Variants in MICU3 observed in about 807,000 individuals in gnomAD.
MICU3 encodes the protein mitochondrial calcium uptake 3.
MICU3 carries 62 observed loss-of-function variants against 66.5 expected under a neutral mutation model. The ratio of observed to expected loss-of-function variants is 0.93; its 90% CI spans 0.76 to 1.15. The LOEUF (loss-of-function observed/expected upper bound fraction) is 1.15, where lower values mean the gene tolerates loss of function less well. Among genes scored for constraint, MICU3 ranks in the 50% most tolerant of loss-of-function variants. MICU3 has a pLI of 0.00. For synonymous variants in MICU3, 308 were observed against 240.7 expected (o/e 1.28, Z -2.59); for missense variants, 779 against 664.4 (o/e 1.17, Z -1.90).
intron 1 of MICU3, among the ~76,000 whole-genome samples, chr8:17,042,917 A>G (rs1814417787): frequency 6.8e-6 from 1 of 146,454 alleles, no homozygotes; most frequent in African/African-American, 2.6e-5. Context: ...AACTGCTTGT[A>G]GCAATTCAAA....
chr8:17,067,185 A>G (rs182318551), intron 2 of MICU3, among the ~76,000 whole-genome samples: 58 of 152,350 alleles, frequency 3.8e-4, no homozygotes, highest in Admixed American at 3.3e-3. Context: ...TGTTTCATGT[A>G]CTGAGTATTA....
At chr8:17,104,309 C>T (rs1801539205) in intron 9 of MICU3, 82 bp from the exon 10 acceptor site, 3 of 589,216 alleles carry the variant, frequency 5.1e-6, no homozygotes, top group East Asian at 3.0e-5. Flanking sequence ...ATGTTGATAA[C>T]AGAATTCTTT....
At chr8:17,037,327 A>T (rs1406678107) in intron 1 of MICU3, among the ~76,000 whole-genome samples, 3 of 152,206 alleles carry the variant, frequency 2.0e-5, no homozygotes, top group Admixed American at 1.3e-4. Flanking sequence ...CAGGCAGAGG[A>T]GGTGCCGAGA....
At chr8:17,095,189 G>A (rs529304695) in intron 8 of MICU3, among the ~76,000 whole-genome samples, 11 of 151,868 alleles carry the variant, frequency 7.2e-5, no homozygotes, top group East Asian at 1.9e-4. Context: ...ATCTGGTTCT[G>A]TTGTTTGTTT....
At chr8:17,089,326 C>T (rs1241457120) in intron 7 of MICU3, among the ~76,000 whole-genome samples, 1 of 151,958 alleles carries the variant, frequency 6.6e-6, no homozygotes, top group Non-Finnish European at 1.5e-5. Context: ...TTAGTGTTAA[C>T]ATTGTTAATC....
Position 17,120,434 on chromosome 8 carries a change from A to C in MICU3, c.*147A>C, listed in dbSNP as rs183003337. 1.0e-3 allele frequency: 153 copies of C among 152,192 alleles called. No individual in the cohort carries two copies. Among genetic ancestry groups the C allele is most frequent in the African/African-American group, 3.4e-3 (142 of 41,558 alleles). 9.4% of individuals were successfully genotyped at this position (152,192 alleles called of 1,614,324 possible). A position where few individuals can be genotyped will look rare whatever the true frequency, so the allele number is the denominator to read the frequency against. ...CTATGAAATTGATATTTTTTCTGGA[A>C]CTGAATTCTTAAACATAAAACAGAT... On this transcript the variant is annotated 3_prime_UTR_variant, in exon 15 of 15. Coordinates refer to ENST00000318063, the MANE Select transcript of MICU3 (RefSeq NM_181723.3).
chr8:17,097,607 G>C (rs1264708725), intron 8 of MICU3, among the ~76,000 whole-genome samples: 1 of 151,662 alleles, frequency 6.6e-6, no homozygotes, highest in East Asian at 1.9e-4. Flanking sequence ...GAAAAGTTCT[G>C]TTTTCATCCA....
chr8:17,056,229 T>C (rs1470342379), intron 1 of MICU3, among the ~76,000 whole-genome samples: 1 of 152,228 alleles, frequency 6.6e-6, no homozygotes, highest in African/African-American at 2.4e-5. Flanking sequence ...GAGGCTCCTC[T>C]TATCTACTTA....
chr8:17,064,570 A>G (rs1309735214), intron 2 of MICU3, among the ~76,000 whole-genome samples: 4 of 152,306 alleles, frequency 2.6e-5, no homozygotes, highest in South Asian at 4.1e-4. Context: ...GCCCTGGGCA[A>G]GAATTCTACC....
chr8:17,056,783 G>A (rs1817009117), intron 1 of MICU3, among the ~76,000 whole-genome samples: 1 of 152,206 alleles, frequency 6.6e-6, no homozygotes, highest in Non-Finnish European at 1.5e-5. Context: ...TGTGGCAGCA[G>A]AAGTTTTCTG....
intron 2 of MICU3, 102 bp downstream of exon 2, chr8:17,064,339 G>T (rs1818346873): frequency 1.2e-6 from 1 of 819,510 alleles, no homozygotes; most frequent in Admixed American, 2.8e-5. Context: ...ACTGAGTAAT[G>T]TGGTATTTCA....
chr8:17,028,254 C>T (rs183071666), intron 1 of MICU3, among the ~76,000 whole-genome samples: 1 of 152,212 alleles, frequency 6.6e-6, no homozygotes, highest in Non-Finnish European at 1.5e-5. Flanking sequence ...TCTCTTTTTC[C>T]TTCCCCCACT....
At chr8:17,138,029 C>G in the MICU3 span, among the ~76,000 whole-genome samples, 1 of 151,958 alleles carries the variant, frequency 6.6e-6, no homozygotes, top group Non-Finnish European at 1.5e-5. Context: ...GTAATATTTT[C>G]TATTACATGG....
intron 2 of MICU3, 53 bp from the exon 3 acceptor site, chr8:17,069,635 A>G: frequency 1.8e-6 from 2 of 1,138,112 alleles, no homozygotes; most frequent in Non-Finnish European, 2.6e-6. Context: ...AAATATGGAT[A>G]TATATTCCAT....
At chr8:17,081,497 A>G (rs1821175088) in intron 4 of MICU3, among the ~76,000 whole-genome samples, 196 bp from the exon 5 acceptor site, 1 of 152,072 alleles carries the variant, frequency 6.6e-6, no homozygotes, top group South Asian at 2.1e-4. Flanking sequence ...ATGATTTTAT[A>G]TGGATATCTA....
rs974097283 is a variant in MICU3 at position 17,120,402 on chromosome 8, G to C, written c.*115G>C. The C allele has an allele frequency of 2.0e-5, 3 of 152,020 alleles. No homozygotes were observed. Among genetic ancestry groups the C allele is most frequent in the Non-Finnish European group, 2.9e-5 (2 of 67,958 alleles). 9.4% of individuals were successfully genotyped at this position (152,020 alleles called of 1,614,324 possible). A position where few individuals can be genotyped will look rare whatever the true frequency, so the allele number is the denominator to read the frequency against. On this transcript the variant is annotated 3_prime_UTR_variant, in exon 15 of 15. Coordinates refer to ENST00000318063, the MANE Select transcript of MICU3 (RefSeq NM_181723.3). ...GAAGAAGTAGAGAATGAAGGAAAAG[G>C]TGAATGCTATGAAATTGATATTTTT...
At chr8:17,053,284 T>C (rs1332313928) in intron 1 of MICU3, among the ~76,000 whole-genome samples, 1 of 152,188 alleles carries the variant, frequency 6.6e-6, no homozygotes, top group Non-Finnish European at 1.5e-5. Flanking sequence ...TAGGCGTAAG[T>C]TTCTCTAATT....
chr8:17,091,534 C>T (rs1054265962), intron 8 of MICU3, among the ~76,000 whole-genome samples: 8 of 152,034 alleles, frequency 5.3e-5, no homozygotes, highest in Non-Finnish European at 1.2e-4. Flanking sequence ...ACTATAAAAA[C>T]TAATTCTGTT....
chr8:17,114,230 C>A, intron 12 of MICU3, 29 bp downstream of exon 12: 1 of 1,383,874 alleles, frequency 7.2e-7, no homozygotes, highest in Non-Finnish European at 1.0e-6. Flanking sequence ...AAATTAAAAG[C>A]AAGAAGTAAT....
Sources: gnomAD v4.1 joint callset for allele counts (sites outside exome capture counted in the v4.1 genomes callset) on GRCh38, gnomAD v4.1.1 for gene constraint, MANE v1.5 for transcripts, NCBI Gene and HGNC (gene_info 2026-07-23, HGNC 2026-07-21) for gene names.